The following KCNH7 variants were observed in gnomAD, a reference collection of about 807,000 sequenced individuals.
KCNH7 encodes voltage-gated inwardly rectifying potassium channel KCNH7.
A neutral mutation model predicts 120.8 loss-of-function variants in KCNH7; 49 were observed. The observed-to-expected ratio is 0.41, with a 90% CI of 0.32 to 0.51. The LOEUF is 0.51. Ranked by LOEUF, KCNH7 falls within the 20% of genes least tolerant of loss-of-function variation. KCNH7 has a pLI of 0.38. For synonymous variants in KCNH7, 547 were observed against 516.1 expected (o/e 1.06, Z -0.81); for missense variants, 1,097 against 1,446.6 (o/e 0.76, Z 3.92).
intron 2 of KCNH7, among the ~76,000 whole-genome samples, chr2:162,605,223 C>T (rs1682699131): frequency 1.3e-5 from 2 of 152,060 alleles, no homozygotes; most frequent in Non-Finnish European, 2.9e-5. Context: ...TTTCTTCATC[C>T]TGTAGTGGAA....
At chr2:162,672,548 A>C (rs933755259) in intron 2 of KCNH7, among the ~76,000 whole-genome samples, 1 of 152,048 alleles carries the variant, frequency 6.6e-6, no homozygotes, top group Non-Finnish European at 1.5e-5. Context: ...TTATTTATTT[A>C]AACAAGATGA....
intron 2 of KCNH7, among the ~76,000 whole-genome samples, chr2:162,574,722 G>A (rs1008875168): frequency 7.2e-5 from 11 of 151,992 alleles, no homozygotes; most frequent in Admixed American, 5.9e-4. Context: ...TGAGCTCATC[G>A]TGCCAGACTA....
At position 162,806,790 on chromosome 2, in the gene KCNH7, G is replaced by T. The variant is rs566974755; in HGVS notation, c.307+29747C>A. On this transcript the variant is annotated intron_variant, in intron 2 of 15. Transcript: ENST00000332142. Reference sequence around the variant, plus strand: ...GTAAATCTGAAGTTGTGGAATTAAGGAGTAGTGATTTTTTGTTTTTGTTTT... The same window carrying T: ...GTAAATCTGAAGTTGTGGAATTAAGTAGTAGTGATTTTTTGTTTTTGTTTT... Among the ~76,000 whole-genome samples, 14 of 152,228 alleles carry T rather than the reference G, an allele frequency of 9.2e-5. No individual in the cohort carries two copies. The South Asian group carries it at 2.9e-3, about 32-fold the overall frequency.
intron 2 of KCNH7, among the ~76,000 whole-genome samples, chr2:162,674,608 A>G (rs1685473426): frequency 6.6e-6 from 1 of 151,752 alleles, no homozygotes; most frequent in Non-Finnish European, 1.5e-5. Flanking sequence ...TGTCAAGGCT[A>G]TAATAATTAA....
At chr2:162,681,810 A>ATT (rs71410025) in intron 2 of KCNH7, among the ~76,000 whole-genome samples, 65 of 141,212 alleles carry the variant, frequency 4.6e-4, no homozygotes, top group African/African-American at 1.6e-3. Flanking sequence ...GGGGTCTGTG[A>ATT]TTTTTTTTTT....
chr2:162,439,150 G>T (rs946872751), intron 7 of KCNH7, among the ~76,000 whole-genome samples: 71 of 151,914 alleles, frequency 4.7e-4, no homozygotes, highest in Non-Finnish European at 8.2e-4. Flanking sequence ...CCAATTTTTT[G>T]ATTTTTGAAA....
intron 9 of KCNH7, among the ~76,000 whole-genome samples, chr2:162,410,853 T>G (rs925381244): frequency 6.6e-6 from 1 of 151,970 alleles, no homozygotes; most frequent in African/African-American, 2.4e-5. Flanking sequence ...AAAAAATGTT[T>G]ATCATCAATA....
intron 2 of KCNH7, among the ~76,000 whole-genome samples, chr2:162,835,675 C>T (rs1573948384): frequency 6.6e-6 from 1 of 151,524 alleles, no homozygotes; most frequent in African/African-American, 2.4e-5. Context: ...TATATATACA[C>T]CTTAAAATGG....
At chr2:162,715,016 T>G in intron 2 of KCNH7, among the ~76,000 whole-genome samples, 1 of 152,286 alleles carries the variant, frequency 6.6e-6, no homozygotes, top group East Asian at 1.9e-4. Context: ...AGTAACAAAA[T>G]GTGTAAAATG....
At chr2:162,458,019 T>C (rs1689025961) in intron 6 of KCNH7, among the ~76,000 whole-genome samples, 1 of 152,078 alleles carries the variant, frequency 6.6e-6, no homozygotes, top group Non-Finnish European at 1.5e-5. Context: ...AATAAAATAT[T>C]AAAATTAGGT....
chr2:162,400,177 T>G lies in KCNH7; in HGVS notation c.2407+12A>C. On this transcript the variant is annotated intron_variant, in intron 10 of 15. Transcript: ENST00000332142. ...AACTGAATCTGTCACCATGCACTTC[T>G]AAAACACTCACCCAGAATAGCCACC... The G allele has an allele frequency of 1.9e-6, 3 of 1,611,322 alleles. No individual in the cohort carries two copies. Among genetic ancestry groups the G allele is most frequent in the Non-Finnish European group, 2.5e-6 (3 of 1,178,254 alleles).
chr2:162,413,314 A>T (rs1040556757), intron 9 of KCNH7, among the ~76,000 whole-genome samples: 1 of 152,158 alleles, frequency 6.6e-6, no homozygotes, highest in African/African-American at 2.4e-5. Context: ...TTTTTAGTAC[A>T]TGGGGTTTCA....
intron 2 of KCNH7, chr2:162,784,700 A>G (rs1261230367): frequency 6.6e-6 from 1 of 152,186 alleles, no homozygotes; most frequent in East Asian, 1.9e-4. Context: ...GTCTTCATCC[A>G]CAAATAAAGC....
chr2:162,455,789 T>G (rs1460867856), intron 6 of KCNH7, among the ~76,000 whole-genome samples: 2 of 152,168 alleles, frequency 1.3e-5, no homozygotes, highest in African/African-American at 2.4e-5. Flanking sequence ...TGACATCCCC[T>G]TTATCATTTT....
intron 2 of KCNH7, among the ~76,000 whole-genome samples, chr2:162,642,648 A>G (rs888788891): frequency 6.6e-6 from 1 of 152,196 alleles, no homozygotes; most frequent in Non-Finnish European, 1.5e-5. Context: ...TTTATATCAC[A>G]CTGTGGTGGC....
intron 3 of KCNH7, among the ~76,000 whole-genome samples, chr2:162,520,179 T>TTA (rs1691471153): frequency 6.8e-6 from 1 of 146,814 alleles, no homozygotes; most frequent in Non-Finnish European, 1.5e-5. Flanking sequence ...TTTTTTTTTT[T>TTA]AGTGAATGGC....
intron 2 of KCNH7, among the ~76,000 whole-genome samples, chr2:162,573,622 G>C (rs1051625157): frequency 6.6e-6 from 1 of 151,864 alleles, no homozygotes; most frequent in Admixed American, 6.6e-5. Context: ...CCACCAGGTA[G>C]GCAAAAGTAT....
At chr2:162,477,611 C>A (rs763532440) in intron 6 of KCNH7, among the ~76,000 whole-genome samples, 18 of 152,296 alleles carry the variant, frequency 1.2e-4, no homozygotes, top group Non-Finnish European at 2.4e-4. Flanking sequence ...ACACAAGAAG[C>A]AAACATATTA....
chr2:162,687,732 T>A (rs541701131), intron 2 of KCNH7, among the ~76,000 whole-genome samples: 1 of 152,266 alleles, frequency 6.6e-6, no homozygotes, highest in Admixed American at 6.5e-5. Flanking sequence ...AGCTGAGCCA[T>A]GGGTCAAGAT....
Sources: allele counts gnomAD v4.1 joint callset (sites outside exome capture counted in the v4.1 genomes callset), GRCh38; gene constraint gnomAD v4.1.1; transcripts MANE v1.5; gene names NCBI Gene and HGNC (gene_info 2026-07-23, HGNC 2026-07-21).